Variants in DIP2C observed in about 807,000 individuals in gnomAD.
The protein encoded by DIP2C is DIP2 acetate--CoA ligase C (putative), also known as disco-interacting protein 2 homolog C.
A neutral mutation model predicts 192.4 loss-of-function variants in DIP2C; 33 were observed. The observed-to-expected ratio is 0.17, with a 90% confidence interval of 0.13 to 0.23. The LOEUF is 0.23. Among genes scored for constraint, DIP2C ranks in the 10% least tolerant of loss-of-function variants. The probability of loss-of-function intolerance (pLI) is 1.00; values close to 1 mark genes in which losing one functional copy is unlikely to be tolerated. For synonymous variants in DIP2C, 979 were observed against 864.1 expected (o/e 1.13, Z -2.33); for missense variants, 1,537 against 2,110.1 (o/e 0.73, Z 5.32).
chr10:490,772 T>TTA (rs772788003), intron 1 of DIP2C, among the ~76,000 whole-genome samples: 1 of 152,116 alleles, frequency 6.6e-6, no homozygotes, highest in Admixed American at 6.6e-5. Flanking sequence ...AAAACGCCAC[T>TTA]TATGTTATTC....
At chr10:602,132 T>C (rs529664425) in intron 1 of DIP2C, among the ~76,000 whole-genome samples, 53 of 152,276 alleles carry the variant, frequency 3.5e-4, no homozygotes, top group African/African-American at 1.3e-3. Context: ...ATTTCAGGAC[T>C]CAGGCAACGT....
intron 29 of DIP2C, among the ~76,000 whole-genome samples, chr10:338,824 G>C (rs1349649782): frequency 2.1e-5 from 3 of 139,746 alleles, no homozygotes; most frequent in African/African-American, 8.2e-5. Flanking sequence ...CACAGCCCAC[G>C]CCACCTGCAC....
intron 9 of DIP2C, among the ~76,000 whole-genome samples, chr10:400,649 A>AT (rs1306103049): frequency 6.6e-6 from 1 of 151,790 alleles, no homozygotes; most frequent in Non-Finnish European, 1.5e-5. Flanking sequence ...GTGGGGTAGC[A>AT]TTAGCATTAC....
chr10:341,024 C>A, intron 29 of DIP2C, 175 bp downstream of exon 29: 1 of 904,606 alleles, frequency 1.1e-6, no homozygotes, highest in Non-Finnish European at 1.8e-6. Context: ...CCAGGTGCTG[C>A]TTTCCCCGAG....
chr10:566,922 CCAT>C (rs1849497817), intron 1 of DIP2C, among the ~76,000 whole-genome samples: 1 of 152,226 alleles, frequency 6.6e-6, no homozygotes, highest in Non-Finnish European at 1.5e-5. Flanking sequence ...ATTCCATACA[CCAT>C]CAAATGCTGA....
chr10:418,990 C>T (rs1965988396), intron 6 of DIP2C, 75 bp downstream of exon 6: 1 of 1,588,230 alleles, frequency 6.3e-7, no homozygotes, highest in East Asian at 2.2e-5. Context: ...GAAACACATC[C>T]AGTCATGGGC....
chr10:521,704 A>G (rs547598432), intron 1 of DIP2C, among the ~76,000 whole-genome samples: 7 of 152,330 alleles, frequency 4.6e-5, no homozygotes, highest in Admixed American at 1.3e-4. Flanking sequence ...GGAAATCCTG[A>G]ATGTAGAACA....
At chr10:280,954 T>C (rs3125027) in intron 36 of DIP2C, among the ~76,000 whole-genome samples, 64,945 of 152,088 alleles carry the variant, frequency 0.43, 14,412 homozygotes, top group East Asian at 0.64. Flanking sequence ...CTGGAAAATG[T>C]TGTCAAGTAG....
intron 1 of DIP2C, among the ~76,000 whole-genome samples, chr10:511,720 G>T (rs1282339068): frequency 6.6e-6 from 1 of 152,102 alleles, no homozygotes; most frequent in African/African-American, 2.4e-5. Context: ...TGGCGGCTCC[G>T]AGCTCTCTTC....
chr10:554,565 T>C (rs557243654), intron 1 of DIP2C, among the ~76,000 whole-genome samples: 60 of 152,326 alleles, frequency 3.9e-4, no homozygotes, highest in African/African-American at 1.3e-3. Flanking sequence ...AGTGGGACCA[T>C]GTGTTCCCGT....
chr10:604,939 G>A (rs1200680325), intron 1 of DIP2C, among the ~76,000 whole-genome samples: 1 of 152,182 alleles, frequency 6.6e-6, no homozygotes, highest in East Asian at 1.9e-4. Flanking sequence ...ACCAGCCTCT[G>A]ATAAAACTCA....
chr10:281,757 C>G (rs1954841680), intron 35 of DIP2C, among the ~76,000 whole-genome samples: 1 of 152,208 alleles, frequency 6.6e-6, no homozygotes. Flanking sequence ...GTGACTCTAT[C>G]CCACACATGC....
At chr10:457,135 A>AC (rs1475232567) in intron 3 of DIP2C, among the ~76,000 whole-genome samples, 1 of 152,158 alleles carries the variant, frequency 6.6e-6, no homozygotes, top group Non-Finnish European at 1.5e-5. Context: ...TTCGGTTTGT[A>AC]CAGCTTTTTG....
intron 1 of DIP2C, among the ~76,000 whole-genome samples, chr10:524,731 A>G (rs554934411): frequency 3.3e-5 from 5 of 152,228 alleles, no homozygotes; most frequent in East Asian, 1.9e-4. Flanking sequence ...GAGAGATTCT[A>G]TAACTTGCTA....
intron 1 of DIP2C, among the ~76,000 whole-genome samples, chr10:614,164 C>A (rs1383485887): frequency 6.6e-6 from 1 of 152,202 alleles, no homozygotes; most frequent in Non-Finnish European, 1.5e-5. Flanking sequence ...CAGGTTCCAC[C>A]TAAAAGGTAT....
intron 9 of DIP2C, 45 bp from the exon 10 acceptor site, chr10:399,264 G>C (rs769397964): frequency 6.5e-7 from 1 of 1,528,222 alleles, no homozygotes; most frequent in South Asian, 1.1e-5. Flanking sequence ...TGGGGTCCTG[G>C]CTTCCTAAGA....
intron 9 of DIP2C, 81 bp downstream of exon 9, chr10:408,845 C>T (rs747564576): frequency 5.7e-6 from 8 of 1,406,658 alleles, no homozygotes; most frequent in Non-Finnish European, 7.9e-6. Flanking sequence ...TGGCGCTGAA[C>T]TCTGTAATGT....
chr10:278,014 C>T (rs962805454), intron 36 of DIP2C, among the ~76,000 whole-genome samples: 10 of 152,252 alleles, frequency 6.6e-5, no homozygotes, highest in Non-Finnish European at 7.3e-5. Context: ...TGCTGAGGGC[C>T]GTGCGTGCGG....
At chr10:633,091 A>G (rs557662521) in intron 1 of DIP2C, among the ~76,000 whole-genome samples, 1 of 152,392 alleles carries the variant, frequency 6.6e-6, no homozygotes, top group East Asian at 1.9e-4. Flanking sequence ...GAGGATGAGG[A>G]CGAGATCCTT....
Sources: gnomAD v4.1 joint callset for allele counts (sites outside exome capture counted in the v4.1 genomes callset) on GRCh38, gnomAD v4.1.1 for gene constraint, MANE v1.5 for transcripts, NCBI Gene and HGNC (gene_info 2026-07-23, HGNC 2026-07-21) for gene names.